Variants in YBEY observed in about 807,000 individuals in gnomAD.
YBEY encodes ybeY metalloendoribonuclease.
YBEY carries 15 observed loss-of-function variants against 13.5 expected under a neutral mutation model. The ratio of observed to expected loss-of-function variants is 1.11; its 90% CI spans 0.75 to 1.72. The LOEUF (loss-of-function observed/expected upper bound fraction) is 1.72, where lower values mean the gene tolerates loss of function less well. Among genes scored for constraint, YBEY ranks in the 40% most tolerant of loss-of-function variants. The pLI is 0.00. For synonymous variants in YBEY, 101 were observed against 83.1 expected, an observed-to-expected ratio of 1.21 and a Z score of -1.17; for missense variants, 244 against 208.4, an observed-to-expected ratio of 1.17 and a Z score of -1.05.
At chr21:46,296,269 G>T (rs1363990760) in intron 4 of YBEY, 39 bp downstream of exon 4, 6 of 1,610,442 alleles carry the variant, frequency 3.7e-6, no homozygotes, top group South Asian at 1.1e-5. Context: ...GGGGGTGCGT[G>T]GGGGAAGGAG....
At chr21:46,311,118 C>T in the YBEY span, among the ~76,000 whole-genome samples, 2 of 151,978 alleles carry the variant, frequency 1.3e-5, no homozygotes, top group African/African-American at 2.4e-5. Context: ...GTAATCCACC[C>T]GCCTCAGCCT....
chr21:46,295,834 C>A (rs907558142), intron 3 of YBEY, among the ~76,000 whole-genome samples: 2 of 151,648 alleles, frequency 1.3e-5, no homozygotes, highest in African/African-American at 4.9e-5. Flanking sequence ...CCCGTGGCAC[C>A]CACCCCTCCC....
chr21:46,304,429 C>T, the YBEY span, among the ~76,000 whole-genome samples: 9 of 150,690 alleles, frequency 6.0e-5, no homozygotes, highest in East Asian at 2.0e-4. Flanking sequence ...GAGGCTGCAG[C>T]GAGGTATGAT....
rs2081956554 is a variant in YBEY at position 46,296,505 on chromosome 21, C to T, written c.408+275C>T. 3.3e-5 allele frequency among the ~76,000 whole-genome samples: 5 copies of T among 152,204 alleles called. No individual in the cohort carries two copies. The South Asian group carries it at 1.0e-3, about 31-fold the overall frequency. ...CGCTTGGTCAAAAAGGTCCAATCAG[C>T]TAGAGACTAGGCCAGACCCAGGGCG... On this transcript the variant is annotated intron_variant, in intron 4 of 4. Transcript: ENST00000397701.
chr21:46,302,088 G>C, downstream of YBEY: 3 of 1,534,596 alleles, frequency 2.0e-6, no homozygotes, highest in Non-Finnish European at 2.6e-6. Flanking sequence ...TGGTGGTGGT[G>C]GTGGTGCACG....
At chr21:46,302,150 G>C (rs566741667), downstream of YBEY, 3 of 1,488,532 alleles carry the variant, frequency 2.0e-6, no homozygotes, top group Non-Finnish European at 2.7e-6. Context: ...CACATGTGGC[G>C]GGTCCTGCCA....
the YBEY span, among the ~76,000 whole-genome samples, chr21:46,303,791 G>T: frequency 8.2e-6 from 1 of 121,900 alleles, no homozygotes; most frequent in Non-Finnish European, 1.6e-5. Context: ...TTGCTCTGTC[G>T]CCGAGGCTGG....
intron 3 of YBEY, among the ~76,000 whole-genome samples, chr21:46,292,769 G>A (rs867229285): frequency 4.6e-4 from 54 of 118,248 alleles, no homozygotes; most frequent in African/African-American, 1.1e-3. Context: ...ACTCAGTGGA[G>A]TCAGCCACAC....
chr21:46,299,354 A>G (rs2082053780), downstream of YBEY, among the ~76,000 whole-genome samples: 1 of 152,166 alleles, frequency 6.6e-6, no homozygotes, highest in Non-Finnish European at 1.5e-5. Context: ...AGGCAGCAGC[A>G]GCATCACCTG....
In YBEY at chr21:46,292,584, CCGCGG is replaced by C. The variant is rs1277062590; in HGVS notation, c.339+1123_339+1127del. ...AGTTAAACTCTAGATTAAATTCCTC[CCGCGG>C]TTAGCCTGACCCGTGCCCGGGACTC... On this transcript the variant is annotated intron_variant, in intron 3 of 4. Transcript: ENST00000397701. Among the ~76,000 whole-genome samples, 565 of 95,242 alleles carry C rather than the reference CCGCGG, an allele frequency of 5.9e-3. 30 individuals carry two copies. Among genetic ancestry groups the C allele is most frequent in the East Asian group, 0.013 (50 of 3,874 alleles). The allele number at this position is 95,242 out of a possible 152,430, so 62.5% of individuals were successfully genotyped here. A position where few individuals can be genotyped will look rare whatever the true frequency, so the allele number is the denominator to read the frequency against.
downstream of YBEY, chr21:46,300,906 A>G (rs1318017316): frequency 3.2e-6 from 3 of 930,208 alleles, no homozygotes; most frequent in African/African-American, 1.8e-5. Flanking sequence ...AAAAGTAAAG[A>G]AAAGAAATAG....
chr21:46,296,182 C>T lies in YBEY; in HGVS notation c.360C>T (p.Leu120=). 1 of 1,613,888 alleles carries T rather than the reference C, an allele frequency of 6.2e-7. No homozygotes were observed. Among genetic ancestry groups the T allele is most frequent in the South Asian group, 1.1e-5 (1 of 91,086 alleles). Residue 120 remains leucine, a synonymous_variant, in exon 4 of 5, where the codon CTC becomes CTT. Transcript: ENST00000397701. ...GACAGGTGACGGCCACCCACGGACT[C>T]TGTCACTTGCTGGGATTCACACACG... The part of the protein sequence containing the change: ...DVLTVTATHG[L]CHLLGFTHGT...
At chr21:46,290,031 G>A (rs893689678) in intron 2 of YBEY, among the ~76,000 whole-genome samples, 1 of 128,742 alleles carries the variant, frequency 7.8e-6, no homozygotes, top group African/African-American at 2.9e-5. Flanking sequence ...TTGCAGTTTT[G>A]TATGTGTGTA....
At chr21:46,294,616 G>A (rs1158778498) in intron 3 of YBEY, among the ~76,000 whole-genome samples, 1 of 99,348 alleles carries the variant, frequency 1.0e-5, no homozygotes, top group African/African-American at 3.4e-5. Context: ...GGGACTCAGT[G>A]GGGACAGCCA....
Position 46,286,988 on chromosome 21 carries a change from T to C in YBEY, c.75T>C (p.Ile25=). 1 of 1,614,096 alleles carries C rather than the reference T, an allele frequency of 6.2e-7. No homozygotes were observed. Among genetic ancestry groups the C allele is most frequent in the Non-Finnish European group, 8.5e-7 (1 of 1,180,024 alleles). Residue 25 remains isoleucine (I), a synonymous_variant, in exon 2 of 5, where the codon ATT becomes ATC. Coordinates refer to ENST00000397701, the MANE Select transcript of YBEY (RefSeq NM_001314025.2). ...CGCCACTTCGCAGTAAGATCGAGATTGTAAGGAGGATTTTAGGAGTGCAGA... is the reference window on the plus strand; with the variant it reads ...CGCCACTTCGCAGTAAGATCGAGATCGTAAGGAGGATTTTAGGAGTGCAGA... ...RRAPLRSKIE[I]VRRILGVQKF...
Position 46,287,061 on chromosome 21 carries a change from A to G in YBEY, c.148A>G (p.Ile50Val). ...ICVDNKNIQH[I>V]NRIYRDRNVP... ...TGTTGACAACAAGAATATTCAGCAC[A>G]TTAATAGAATCTACAGAGATAGAAA... The change falls in exon 2 of 5, where the codon ATT becomes GTT. Residue 50 changes from isoleucine (I) to valine (V), a missense_variant. Physicochemically the swap from Ile to Val is conservative, Grantham distance 29 (BLOSUM62 3). Coordinates refer to ENST00000397701, the MANE Select transcript of YBEY (RefSeq NM_001314025.2). 2 of 1,614,106 alleles carry G rather than the reference A, an allele frequency of 1.2e-6. No homozygotes were observed. The highest frequency in any genetic ancestry group is 1.7e-6 in the Non-Finnish European group (2 of 1,180,016).
chr21:46,311,438 T>C, the YBEY span: 1 of 1,440,106 alleles, frequency 6.9e-7, no homozygotes, highest in Admixed American at 1.9e-5. Context: ...CACAACAATA[T>C]GAATATGGAA....
In YBEY at chr21:46,291,756, G is replaced by C. The variant is rs2081721639; in HGVS notation, c.339+294G>C. On this transcript the variant is annotated intron_variant, in intron 3 of 4. Coordinates refer to ENST00000397701, the MANE Select transcript of YBEY (RefSeq NM_001314025.2). ...TATGTTGAGCTAACACAGACCTGCT[G>C]AATCAGCTTCTTTCTGAGCTGCCAG... The C allele has an allele frequency of 5.3e-6, 6 of 1,125,424 alleles. No homozygotes were observed. The South Asian group carries it at 1.6e-4, about 30-fold the overall frequency. The allele number at this position is 1,125,424 out of a possible 1,614,324, so 69.7% of individuals were successfully genotyped here. A position where few individuals can be genotyped will look rare whatever the true frequency, so the allele number is the denominator to read the frequency against.
chr21:46,298,720 C>A (rs61569347), downstream of YBEY, among the ~76,000 whole-genome samples: 4 of 149,934 alleles, frequency 2.7e-5, no homozygotes, highest in Non-Finnish European at 5.9e-5. Context: ...TGAGCCACCA[C>A]GCCCGGCCTG....
Sources: gnomAD v4.1 joint callset for allele counts (sites outside exome capture counted in the v4.1 genomes callset) on GRCh38, gnomAD v4.1.1 for gene constraint, MANE v1.5 for transcripts, NCBI Gene and HGNC (gene_info 2026-07-23, HGNC 2026-07-21) for gene names.